The following DMD variants were observed in gnomAD, a reference collection of about 807,000 sequenced individuals.
DMD encodes the protein mutant dystrophin.
Under a neutral mutation model 330.1 loss-of-function variants are expected in DMD, and 63 were observed. The ratio of observed to expected loss-of-function variants is 0.19; its 90% CI spans 0.16 to 0.24. DMD has a LOEUF of 0.24. DMD is among the 10% of genes least tolerant of loss of function. The probability of loss-of-function intolerance (pLI) is 1.00; values close to 1 mark genes in which losing one functional copy is unlikely to be tolerated. For synonymous variants in DMD, 1,223 were observed against 959.8 expected (o/e 1.27, Z -5.07); for missense variants, 3,344 against 2,684.1 (o/e 1.25, Z -5.43).
rs1001618176 is a variant in DMD at position 31,662,463 on chromosome X, G to A, written c.7873-4319C>T. ...AACTCTAAAATTCTCCCTTTAACTTGGAAGATAAAAGCAAGTGCATAGCTC... is the reference window on the plus strand; with the variant it reads ...AACTCTAAAATTCTCCCTTTAACTTAGAAGATAAAAGCAAGTGCATAGCTC... On this transcript the variant is annotated intron_variant, in intron 53 of 78. Transcript: ENST00000357033. Among the ~76,000 whole-genome samples the A allele has an allele frequency of 7.2e-5, 8 of 111,575 alleles. No homozygotes were observed. In the Admixed American group the frequency reaches 7.6e-4, roughly 11 times the overall value.
intron 16 of DMD, among the ~76,000 whole-genome samples, chrX:32,563,192 T>C (rs1019157529): frequency 9.3e-6 from 1 of 107,772 alleles, no homozygotes; most frequent in African/African-American, 3.4e-5. Flanking sequence ...TACAAAAAAT[T>C]AGTGGGGTGT....
At chrX:32,498,709 T>A (rs2043746932) in intron 19 of DMD, among the ~76,000 whole-genome samples, 4 of 111,819 alleles carry the variant, frequency 3.6e-5, no homozygotes. Context: ...CTCTTCACAT[T>A]TGATAAAATA....
intron 1 of DMD, among the ~76,000 whole-genome samples, chrX:33,090,488 AG>A (rs1329473377): frequency 1.8e-5 from 2 of 108,610 alleles, no homozygotes; most frequent in South Asian, 3.9e-4. Flanking sequence ...TACATTTGGG[AG>A]TCACCTCTTA....
At chrX:32,297,800 GAAGACCT>G (rs1055415420) in intron 42 of DMD, among the ~76,000 whole-genome samples, 59 of 111,533 alleles carry the variant, frequency 5.3e-4, no homozygotes, top group Non-Finnish European at 1.0e-3. Context: ...AGGGGTCGGG[GAAGACCT>G]TACCAGGAAG....
At chrX:31,530,633 G>A (rs1350727428) in intron 55 of DMD, among the ~76,000 whole-genome samples, 1 of 94,654 alleles carries the variant, frequency 1.1e-5, no homozygotes, top group South Asian at 5.9e-4. Context: ...CTAGATAATA[G>A]AGCACTGGTT....
intron 7 of DMD, among the ~76,000 whole-genome samples, chrX:32,706,585 T>C (rs945307602): frequency 9.2e-6 from 1 of 108,452 alleles, no homozygotes; most frequent in Admixed American, 9.8e-5. Context: ...AAACAAAAAA[T>C]TAAAAAAGAA....
At chrX:32,706,438 C>A (rs187557507) in intron 7 of DMD, among the ~76,000 whole-genome samples, 70 of 109,784 alleles carry the variant, frequency 6.4e-4, no homozygotes, top group African/African-American at 2.2e-3. Context: ...CCTCTAATCC[C>A]AGGTGATCCC....
rs776398487 is a variant in DMD at position 31,847,971 on chromosome X, T to C, written c.7099-11152A>G. 1.4e-4 allele frequency among the ~76,000 whole-genome samples: 16 copies of C among 111,904 alleles called. No individual in the cohort carries two copies. The East Asian group carries it at 3.4e-3, about 23-fold the overall frequency. ...ACCATGTGGCTTGCAAATGGCAGAG[T>C]TGAGATTATATCCAGGAAGTATGTG... On this transcript the variant is annotated intron_variant, in intron 48 of 78. Coordinates refer to ENST00000357033, the MANE Select transcript of DMD (RefSeq NM_004006.3).
chrX:33,021,170 A>G (rs950653591), intron 1 of DMD, among the ~76,000 whole-genome samples: 2 of 111,355 alleles, frequency 1.8e-5, no homozygotes, highest in Non-Finnish European at 3.8e-5. Flanking sequence ...CATGCCTTAC[A>G]TATAAATACT....
chrX:32,494,731 G>A (rs1470505608), intron 19 of DMD, among the ~76,000 whole-genome samples: 2 of 111,202 alleles, frequency 1.8e-5, no homozygotes, highest in African/African-American at 3.3e-5. Flanking sequence ...AAAATTAGGG[G>A]GAGAGGAAGT....
chrX:31,616,641 G>A (rs2078217744), intron 55 of DMD, among the ~76,000 whole-genome samples: 1 of 112,339 alleles, frequency 8.9e-6, no homozygotes, highest in Non-Finnish European at 1.9e-5. Context: ...AGTGAATAAA[G>A]CAGATGAAAT....
Position 32,641,407 on chromosome X carries a change from C to CATATATATATAT in DMD, c.1331+2724_1331+2725insATATATATATAT, listed in dbSNP as rs1569366795. 77 of 63,188 alleles carry CATATATATATAT rather than the reference C, an allele frequency of 1.2e-3. 1 individual carries two copies. Among genetic ancestry groups the CATATATATATAT allele is most frequent in the African/African-American group, 4.5e-3 (71 of 15,685 alleles). The allele number at this position is 63,188 out of a possible 1,213,427, so 5.2% of individuals were successfully genotyped here. A position where few individuals can be genotyped will look rare whatever the true frequency, so the allele number is the denominator to read the frequency against. On this transcript the variant is annotated intron_variant, in intron 11 of 78. Transcript: ENST00000357033. ...TAGAGAGATATATGTGTATTTTATA[C>CATATATATATAT]GTATATATATATATATATATATATA...
In DMD at chrX:32,360,866, T is replaced by G. The variant is rs192124378; in HGVS notation, c.5325+1922A>C. Among the ~76,000 whole-genome samples the G allele has an allele frequency of 5.2e-3, 575 of 109,781 alleles. 1 individual carries two copies. Among genetic ancestry groups the G allele is most frequent in the African/African-American group, 0.017 (528 of 30,189 alleles). The stretch of plus-strand genomic sequence containing the variant: ...CTGGAAATTTCTTATGCCTTATGTT[T>G]CTAGGGAAAATAAAAGAAGTTCATA... On this transcript the variant is annotated intron_variant, in intron 37 of 78. Transcript: ENST00000357033.
intron 7 of DMD, among the ~76,000 whole-genome samples, chrX:32,797,026 G>A (rs1384378994): frequency 8.9e-6 from 1 of 111,841 alleles, no homozygotes; most frequent in Non-Finnish European, 1.9e-5. Flanking sequence ...TTATTTAATT[G>A]GAAAACATAT....
chrX:32,786,090 T>A (rs1230742605), intron 7 of DMD, among the ~76,000 whole-genome samples: 4 of 100,924 alleles, frequency 4.0e-5, no homozygotes, highest in Non-Finnish European at 8.2e-5. Context: ...AATAAGAGTG[T>A]GTGTGTGTGT....
At chrX:33,258,224 TGTGA>T (rs770451250) in intron 1 of DMD, among the ~76,000 whole-genome samples, 2 of 111,694 alleles carry the variant, frequency 1.8e-5, no homozygotes, top group South Asian at 3.7e-4. Context: ...TAGTTTGAAC[TGTGA>T]GTAACTGTAC....
chrX:32,717,250 G>A (rs1449570356), intron 7 of DMD, among the ~76,000 whole-genome samples: 2 of 111,399 alleles, frequency 1.8e-5, no homozygotes, highest in East Asian at 2.9e-4. Flanking sequence ...GGTCTAGGAA[G>A]GAAAAATGAT....
chrX:31,814,040 T>C (rs2092539798), intron 50 of DMD, among the ~76,000 whole-genome samples: 1 of 110,862 alleles, frequency 9.0e-6, no homozygotes, highest in Admixed American at 9.7e-5. Flanking sequence ...AAACAGTCTG[T>C]TGATCCCTTA....
chrX:32,069,961 T>C lies in DMD; in HGVS notation c.6439-101447A>G, dbSNP rs1241833114. Among the ~76,000 whole-genome samples the C allele has an allele frequency of 2.7e-5, 3 of 111,482 alleles. No individual in the cohort carries two copies. The East Asian group carries it at 8.5e-4, about 32-fold the overall frequency. ...ATTATACCACGATGGAAAAAACACA[T>C]GAGCAAATAGGCTAATTAGGTGCTA... is the stretch of plus-strand genomic sequence containing the variant. On this transcript the variant is annotated intron_variant, in intron 44 of 78. Coordinates refer to ENST00000357033, the MANE Select transcript of DMD (RefSeq NM_004006.3).
Sources: allele counts gnomAD v4.1 joint callset (sites outside exome capture counted in the v4.1 genomes callset), GRCh38; gene constraint gnomAD v4.1.1; transcripts MANE v1.5; gene names NCBI Gene and HGNC (gene_info 2026-07-23, HGNC 2026-07-21).